The following DEGS2 variants were observed in gnomAD, a reference collection of about 807,000 sequenced individuals.
The protein encoded by DEGS2 is sphingolipid delta(4)-desaturase/C4-monooxygenase DES2.
In DEGS2, 19 loss-of-function variants were observed where a neutral mutation model predicts 23.8. The ratio of observed to expected loss-of-function variants is 0.80; its 90% CI spans 0.56 to 1.17. The LOEUF is 1.17. DEGS2 is among the 50% of genes most tolerant of loss of function. The pLI, the probability that DEGS2 is intolerant of heterozygous loss-of-function variation, is 0.00. For synonymous variants in DEGS2, 218 were observed against 213.7 expected (o/e 1.02, Z -0.18); for missense variants, 390 against 459.5 (o/e 0.85, Z 1.38).
chr14:100,147,032 C>T (rs1037192031), intron 2 of DEGS2, 125 bp from the exon 3 acceptor site: 150 of 1,107,110 alleles, frequency 1.4e-4, no homozygotes, highest in African/African-American at 9.0e-4. Context: ...AACATGTTTG[C>T]GCGCGCGCAC....
At chr14:100,166,578 C>T in the DEGS2 span, among the ~76,000 whole-genome samples, 2 of 152,068 alleles carry the variant, frequency 1.3e-5, no homozygotes, top group Non-Finnish European at 2.9e-5. Flanking sequence ...GGTGATGCCG[C>T]GTGGGTCTCC....
At chr14:100,159,420 G>T in intron 1 of DEGS2, 86 bp downstream of exon 1, 1 of 1,066,948 alleles carries the variant, frequency 9.4e-7, no homozygotes, top group Non-Finnish European at 1.3e-6. Context: ...GAGCTGGAGC[G>T]GCCCGTCTGG....
At position 100,145,938 on chromosome 14, in the gene DEGS2, T is replaced by C. The variant is rs1595272336; in HGVS notation, c.*823A>G. ...CTTGGGTGCCAGATCTGGGCAGAGC[T>C]CCTCCAGCCCCTCCTCCGAGCTGGT... On this transcript the variant is annotated 3_prime_UTR_variant, in exon 3 of 3. Coordinates refer to ENST00000305631, the MANE Select transcript of DEGS2 (RefSeq NM_206918.3). 6.6e-6 allele frequency: 1 copy of C among 152,624 alleles called. No homozygotes were observed. 9.5% of individuals were successfully genotyped at this position (152,624 alleles called of 1,614,324 possible). A position where few individuals can be genotyped will look rare whatever the true frequency, so the allele number is the denominator to read the frequency against.
chr14:100,161,514 A>C (rs1286575733), upstream of DEGS2, among the ~76,000 whole-genome samples: 1 of 152,196 alleles, frequency 6.6e-6, no homozygotes, highest in African/African-American at 2.4e-5. Context: ...CCGTTGTCCC[A>C]GAAATGACAG....
intron 2 of DEGS2, among the ~76,000 whole-genome samples, chr14:100,147,845 G>A (rs1362178520): frequency 6.6e-6 from 1 of 152,070 alleles, no homozygotes; most frequent in Non-Finnish European, 1.5e-5. Context: ...TTGCCAACTT[G>A]CTCTGCCATC....
intron 1 of DEGS2, among the ~76,000 whole-genome samples, chr14:100,156,685 G>A (rs914237496): frequency 1.3e-5 from 2 of 152,176 alleles, no homozygotes; most frequent in Non-Finnish European, 2.9e-5. Context: ...GCCATGGAGG[G>A]GAACCCAGAG....
chr14:100,157,403 CAG>C (rs2140425511), intron 1 of DEGS2, among the ~76,000 whole-genome samples: 1 of 152,300 alleles, frequency 6.6e-6, no homozygotes, highest in African/African-American at 2.4e-5. Flanking sequence ...GGGGAGGGGA[CAG>C]AAATGCAAAC....
intron 2 of DEGS2, among the ~76,000 whole-genome samples, chr14:100,148,667 C>G (rs1889501194): frequency 6.6e-6 from 1 of 152,210 alleles, no homozygotes; most frequent in South Asian, 2.1e-4. Flanking sequence ...TGCAGTGTTG[C>G]TAATGCTGCC....
rs1889512665 is a variant in DEGS2, at chr14:100,149,112, G to A, written c.681C>T (p.Gly227=). The change falls in exon 2 of 3, where the codon GGC becomes GGT. Residue 227 remains glycine, a synonymous_variant. Coordinates refer to ENST00000305631, the MANE Select transcript of DEGS2 (RefSeq NM_206918.3). ...ACATGTAGTGCTCGGCCACGAAGTG[G>A]CCCGAGATGGGGTGCAGGCCCAGGC... ...FLGLGLHPIS[G]HFVAEHYMFL... The A allele has an allele frequency of 6.2e-7, 1 of 1,612,998 alleles. No homozygotes were observed. Among genetic ancestry groups the A allele is most frequent in the South Asian group, 1.1e-5 (1 of 91,088 alleles).
chr14:100,166,130 G>T, the DEGS2 span, among the ~76,000 whole-genome samples: 40 of 62,412 alleles, frequency 6.4e-4, no homozygotes, highest in Non-Finnish European at 1.0e-3. Flanking sequence ...AGGGTCGGGG[G>T]AGCCTGTCTC....
Position 100,145,785 on chromosome 14 carries a change from A to C in DEGS2, c.*976T>G, listed in dbSNP as rs1325307182. The C allele has an allele frequency of 6.6e-6, 1 of 152,376 alleles. No homozygotes were observed. Among genetic ancestry groups the C allele is most frequent in the African/African-American group, 2.4e-5 (1 of 41,426 alleles). The allele number at this position is 152,376 out of a possible 1,614,324, so 9.4% of individuals were successfully genotyped here. A position where few individuals can be genotyped will look rare whatever the true frequency, so the allele number is the denominator to read the frequency against. The stretch of plus-strand genomic sequence containing the variant: ...AGACAACCTCCTAGGTCGCAGCTGC[A>C]CCCTCAGCCCTTCTGTAGAAAGGAC... On this transcript the variant is annotated 3_prime_UTR_variant, in exon 3 of 3. Coordinates refer to ENST00000305631, the MANE Select transcript of DEGS2 (RefSeq NM_206918.3).
chr14:100,157,859 G>A (rs1334068575), intron 1 of DEGS2, among the ~76,000 whole-genome samples: 3 of 152,126 alleles, frequency 2.0e-5, no homozygotes, highest in Non-Finnish European at 4.4e-5. Flanking sequence ...AGGCAGAGGC[G>A]GGTGAATCAC....
intron 1 of DEGS2, 27 bp from the exon 2 acceptor site, chr14:100,149,737 G>A: frequency 1.3e-6 from 2 of 1,568,382 alleles, no homozygotes; most frequent in Non-Finnish European, 8.7e-7. Context: ...GAGGTATGAG[G>A]CCCCGCTCGG....
intron 1 of DEGS2, among the ~76,000 whole-genome samples, chr14:100,151,429 C>T (rs79855296): frequency 0.23 from 35,509 of 152,124 alleles, 4,719 homozygotes; most frequent in East Asian, 0.38. Flanking sequence ...GCACAGGGCG[C>T]GACTCAAGGA....
rs138041057 is a variant in DEGS2, at chr14:100,146,461, G to A, written c.*300C>T. 5.4e-4 allele frequency: 205 copies of A among 377,038 alleles called. No individual in the cohort carries two copies. Among genetic ancestry groups the A allele is most frequent in the African/African-American group, 4.0e-3 (191 of 47,408 alleles). The allele number at this position is 377,038 out of a possible 1,614,324, so 23.4% of individuals were successfully genotyped here. ...GTTTAATGTAGGGCACAGGCACCCC[G>A]GAGAAGTCAGCTCCGTGGGAACCGT... is the stretch of plus-strand genomic sequence containing the variant. On this transcript the variant is annotated 3_prime_UTR_variant, in exon 3 of 3. Transcript: ENST00000305631.
Position 100,146,847 on chromosome 14 carries a change from C to T in DEGS2, c.886G>A (p.Val296Met), listed in dbSNP as rs763683988. The part of the protein sequence containing the change: ...HLPQHHSWVK[V>M]LWDFVFEDSL... Reference sequence around the variant, plus strand: ...TCCTCAAACACAAAATCCCAGAGCACCTTCACCCAGGAGTGGTGCTGCGGC... The same window carrying T: ...TCCTCAAACACAAAATCCCAGAGCATCTTCACCCAGGAGTGGTGCTGCGGC... Residue 296 changes from valine to methionine, a missense_variant, in exon 3 of 3, where the codon GTG (valine) becomes ATG (methionine). Transcript: ENST00000305631. The T allele has an allele frequency of 1.9e-6, 3 of 1,613,702 alleles. No individual in the cohort carries two copies. The highest frequency in any genetic ancestry group is 2.7e-5 in the African/African-American group (2 of 74,892).
chr14:100,163,400 C>A (rs1889772104), upstream of DEGS2, among the ~76,000 whole-genome samples: 1 of 152,142 alleles, frequency 6.6e-6, no homozygotes, highest in Admixed American at 6.5e-5. Context: ...TGAGATTTCG[C>A]TACTGCACTC....
chr14:100,156,416 A>C (rs189020481), intron 1 of DEGS2, among the ~76,000 whole-genome samples: 23 of 152,342 alleles, frequency 1.5e-4, no homozygotes, highest in African/African-American at 5.5e-4. Flanking sequence ...TGAGACATTA[A>C]TCATTATCAT....
At chr14:100,156,431 G>A (rs1889659455) in intron 1 of DEGS2, among the ~76,000 whole-genome samples, 3 of 152,234 alleles carry the variant, frequency 2.0e-5, no homozygotes. Flanking sequence ...TATCATCGCA[G>A]CTGATACTCA....
Sources: gnomAD v4.1 joint callset for allele counts (sites outside exome capture counted in the v4.1 genomes callset) on GRCh38, gnomAD v4.1.1 for gene constraint, MANE v1.5 for transcripts, NCBI Gene and HGNC (gene_info 2026-07-23, HGNC 2026-07-21) for gene names.